The following CLOCK variants were observed in gnomAD, a reference collection of about 807,000 sequenced individuals.
CLOCK encodes circadian locomoter output cycles protein kaput.
In CLOCK, 43 loss-of-function variants were observed where a neutral mutation model predicts 118.4. That is an observed-to-expected ratio of 0.36 (90% confidence interval 0.28 to 0.47). The LOEUF is 0.47. Among genes scored for constraint, CLOCK ranks in the 20% least tolerant of loss-of-function variants. The pLI is 1.00. For missense variants in CLOCK, 846 were observed against 999.9 expected, an observed-to-expected ratio of 0.85 and a Z score of 2.08; for synonymous variants, 326 against 339.2, an observed-to-expected ratio of 0.96 and a Z score of 0.43.
In CLOCK at chr4:55,471,190, T is replaced by A. The variant is rs1726123532; in HGVS notation, c.349-384A>T. Among the ~76,000 whole-genome samples the A allele has an allele frequency of 2.0e-5, 3 of 152,344 alleles. No individual in the cohort carries two copies. In the South Asian group the frequency reaches 6.2e-4, roughly 32 times the overall value. The stretch of plus-strand genomic sequence containing the variant: ...TTTGTAGGCACACAAAGGAATACTT[T>A]GTTATTATCATGGATATGTTAACAC... On this transcript the variant is annotated intron_variant, in intron 7 of 22. Coordinates refer to ENST00000513440, the MANE Select transcript of CLOCK (RefSeq NM_004898.4).
rs138772659 is a variant in CLOCK, at chr4:55,499,521, C to G, written c.-135-10056G>C. Among the ~76,000 whole-genome samples the G allele has an allele frequency of 5.3e-5, 8 of 152,348 alleles. No individual in the cohort carries two copies. The East Asian group carries it at 1.5e-3, about 29-fold the overall frequency. ...GCATACAACCTAGATCCCTTGCACT[C>G]GCAGTTCACTGCAGGGTTCACGCTC... On this transcript the variant is annotated intron_variant, in intron 2 of 22. Transcript: ENST00000513440.
At chr4:55,440,277 C>T (rs1200427570) in intron 21 of CLOCK, among the ~76,000 whole-genome samples, 3 of 152,128 alleles carry the variant, frequency 2.0e-5, no homozygotes, top group African/African-American at 4.8e-5. Context: ...AATTCATCAA[C>T]GCAGCATAGC....
intron 2 of CLOCK, among the ~76,000 whole-genome samples, chr4:55,496,121 G>A (rs1332122639): frequency 1.3e-5 from 2 of 151,984 alleles, no homozygotes; most frequent in Non-Finnish European, 2.9e-5. Flanking sequence ...CCCGGGAGGT[G>A]GAGGTTGCAT....
intron 18 of CLOCK, among the ~76,000 whole-genome samples, chr4:55,446,007 C>G (rs1723810099): frequency 6.6e-6 from 1 of 151,786 alleles, no homozygotes; most frequent in South Asian, 2.1e-4. Context: ...CTTCTGGCTT[C>G]TGACTGGATA....
rs1560409184 is a variant in CLOCK at position 55,435,443 on chromosome 4, G to T, written c.2513C>A (p.Pro838His). 2.5e-6 allele frequency: 4 copies of T among 1,613,842 alleles called. No individual in the cohort carries two copies. Among genetic ancestry groups the T allele is most frequent in the Non-Finnish European group, 3.4e-6 (4 of 1,179,900 alleles). The stretch of plus-strand genomic sequence containing the variant: ...CTGTGGTTGAACCTTGGAAGGGTCG[G>T]GCAAGCTGTCAGTCCTGTGCCGGCT... ...QLSRHRTDSL[P>H]DPSKVQPQ The change falls in exon 23 of 23, where the codon CCC becomes CAC. Residue 838 changes from proline to histidine, a missense_variant. Around this residue, in one of 4 missense-constraint regions of CLOCK, gnomAD observed 520 missense variants for 558.0 expected, o/e 0.93. Transcript: ENST00000513440.
At chr4:55,464,216 T>G (rs1215538742) in intron 8 of CLOCK, among the ~76,000 whole-genome samples, 1 of 152,228 alleles carries the variant, frequency 6.6e-6, no homozygotes, top group East Asian at 1.9e-4. Context: ...TGTTTTGGTG[T>G]GATTTCAATT....
chr4:55,460,781 T>C (rs1407331680), intron 9 of CLOCK, among the ~76,000 whole-genome samples: 1 of 152,222 alleles, frequency 6.6e-6, no homozygotes, highest in African/African-American at 2.4e-5. Context: ...ATTATCATCA[T>C]AGATGGCTTT....
At chr4:55,470,617 C>G in intron 8 of CLOCK, 100 bp downstream of exon 8, 1 of 798,044 alleles carries the variant, frequency 1.3e-6, no homozygotes, top group South Asian at 1.5e-5. Context: ...ACCCCTTTAA[C>G]GACTGTTGTA....
rs745664986 is a variant in CLOCK at position 55,450,147 on chromosome 4, G to T, written c.1292C>A (p.Ser431Tyr). The change falls in exon 16 of 23, where the codon TCT becomes TAT. Residue 431 changes from serine to tyrosine, a missense_variant. By Grantham distance (144) the Ser-to-Tyr change is moderately radical. Coordinates refer to ENST00000513440, the MANE Select transcript of CLOCK (RefSeq NM_004898.4). Reference sequence around the variant, plus strand: ...TTTTCTTGAACTCCGAGAAGAGGCAGAAGGGGTTGGGCTGTGATCAAACCT... The same window carrying T: ...TTTTCTTGAACTCCGAGAAGAGGCATAAGGGGTTGGGCTGTGATCAAACCT... The part of the protein sequence containing the change: ...LERFDHSPTP[S>Y]ASSRSSRKSS... The T allele has an allele frequency of 1.2e-6, 2 of 1,614,118 alleles. No individual in the cohort carries two copies.
Position 55,509,126 on chromosome 4 carries a change from G to C in CLOCK, c.-136+786C>G, listed in dbSNP as rs375340053. ...CTTAACATAGAAAAGGTAATGGGTT[G>C]TGCCATGATGACATGATGGCCATGA... On this transcript the variant is annotated intron_variant, in intron 2 of 22. Transcript: ENST00000513440. Among the ~76,000 whole-genome samples, 6 of 152,284 alleles carry C rather than the reference G, an allele frequency of 3.9e-5. No individual in the cohort carries two copies. The East Asian group carries it at 1.2e-3, about 29-fold the overall frequency.
intron 9 of CLOCK, among the ~76,000 whole-genome samples, chr4:55,459,648 A>C (rs1210838735): frequency 6.6e-6 from 1 of 151,948 alleles, no homozygotes; most frequent in African/African-American, 2.4e-5. Flanking sequence ...TTTAGCATCT[A>C]CACCTTTGGG....
chr4:55,501,241 A>G (rs1728413667), intron 2 of CLOCK, among the ~76,000 whole-genome samples: 2 of 152,230 alleles, frequency 1.3e-5, no homozygotes. Context: ...TCTCTACAGA[A>G]AAAGATTAAT....
intron 3 of CLOCK, among the ~76,000 whole-genome samples, chr4:55,487,102 A>T (rs905864452): frequency 6.6e-6 from 1 of 151,838 alleles, no homozygotes; most frequent in African/African-American, 2.4e-5. Flanking sequence ...TTCATTTCTA[A>T]TTTCATTTCT....
At chr4:55,500,092 T>C (rs1173872532) in intron 2 of CLOCK, among the ~76,000 whole-genome samples, 1 of 152,162 alleles carries the variant, frequency 6.6e-6, no homozygotes, top group African/African-American at 2.4e-5. Flanking sequence ...GTCCTATGAC[T>C]AGAAATAAAG....
In CLOCK at chr4:55,514,180, G is replaced by C. The variant is rs576817850; in HGVS notation, c.-289-4115C>G. ...TGGTAAAACGGGACATCCTTATCCT[G>C]TTCCTGATCTTACTGGGAATCTTAA... On this transcript the variant is annotated intron_variant, in intron 1 of 22. Coordinates refer to ENST00000513440, the MANE Select transcript of CLOCK (RefSeq NM_004898.4). 7.0e-4 allele frequency among the ~76,000 whole-genome samples: 107 copies of C among 152,138 alleles called. 2 individuals are homozygous for C. The South Asian group carries it at 9.7e-3, about 14-fold the overall frequency.
In CLOCK at chr4:55,466,871, C is replaced by T. The variant is rs114726557; in HGVS notation, c.439-3066G>A. Among the ~76,000 whole-genome samples, 1,000 of 152,166 alleles carry T rather than the reference C, an allele frequency of 6.6e-3. 9 individuals carry two copies. Among genetic ancestry groups the T allele is most frequent in the African/African-American group, 0.023 (948 of 41,502 alleles). On this transcript the variant is annotated intron_variant, in intron 8 of 22. Coordinates refer to ENST00000513440, the MANE Select transcript of CLOCK (RefSeq NM_004898.4). ...CTTGGATCTTTTTATCTCCCTTACT[C>T]GTTTCATGAAAAGGAAATATAAGTT...
At chr4:55,503,278 T>C (rs927679344) in intron 2 of CLOCK, among the ~76,000 whole-genome samples, 24 of 152,196 alleles carry the variant, frequency 1.6e-4, no homozygotes, top group Non-Finnish European at 2.9e-4. Flanking sequence ...AATACTGACA[T>C]ATCCATACAA....
chr4:55,508,326 C>A (rs940656272), intron 2 of CLOCK, among the ~76,000 whole-genome samples: 11 of 152,304 alleles, frequency 7.2e-5, no homozygotes, highest in African/African-American at 2.6e-4. Context: ...CCCACATATT[C>A]ATTTTAGAAT....
intron 2 of CLOCK, among the ~76,000 whole-genome samples, chr4:55,496,748 A>G (rs1312337578): frequency 6.6e-6 from 1 of 152,048 alleles, no homozygotes; most frequent in Non-Finnish European, 1.5e-5. Context: ...CTCATTTCCC[A>G]TTCTACTTTA....
Sources: gnomAD v4.1 joint callset for allele counts (sites outside exome capture counted in the v4.1 genomes callset) on GRCh38, gnomAD v4.1.1 for gene constraint, gnomAD v4.1.1 regional missense constraint, MANE v1.5 for transcripts, NCBI Gene and HGNC (gene_info 2026-07-23, HGNC 2026-07-21) for gene names.